CLYBL: variants seen among roughly 807,000 people sequenced by gnomAD.
The protein encoded by CLYBL is citramalyl-CoA lyase, also known as citramalyl-CoA lyase, mitochondrial.
In CLYBL, 31 loss-of-function variants were observed where a neutral mutation model predicts 38.9. That is an observed-to-expected ratio of 0.80 (90% CI 0.60 to 1.08). The LOEUF (loss-of-function observed/expected upper bound fraction) is 1.08. Among genes scored for constraint, CLYBL ranks in the 50% least tolerant of loss-of-function variants. The pLI is 0.00. For synonymous variants in CLYBL, 171 were observed against 158.6 expected (o/e 1.08, Z -0.59); for missense variants, 434 against 411.6 (o/e 1.05, Z -0.47).
At chr13:99,695,041 G>A (rs534358525) in intron 1 of CLYBL, among the ~76,000 whole-genome samples, 102 of 152,126 alleles carry the variant, frequency 6.7e-4, no homozygotes, top group Non-Finnish European at 8.2e-4. Context: ...CCATCCCACC[G>A]CGAGAGCGAT....
At chr13:99,795,637 G>A (rs1481313191) in intron 2 of CLYBL, among the ~76,000 whole-genome samples, 2 of 152,174 alleles carry the variant, frequency 1.3e-5, no homozygotes, top group Non-Finnish European at 2.9e-5. Context: ...CTGGGTGACA[G>A]AGTGAGAACC....
At chr13:99,836,222 C>T (rs569060048) in intron 2 of CLYBL, among the ~76,000 whole-genome samples, 1 of 152,138 alleles carries the variant, frequency 6.6e-6, no homozygotes, top group South Asian at 2.1e-4. Context: ...CCAGGGGGAG[C>T]GTTGGTTGGT....
chr13:99,769,483 C>A (rs568585454), intron 1 of CLYBL, among the ~76,000 whole-genome samples: 2 of 152,150 alleles, frequency 1.3e-5, no homozygotes, highest in Non-Finnish European at 2.9e-5. Context: ...CCAAACATTT[C>A]TTGGTATTTT....
intron 2 of CLYBL, among the ~76,000 whole-genome samples, chr13:99,795,108 T>C (rs2049995795): frequency 6.6e-6 from 1 of 152,156 alleles, no homozygotes. Context: ...AGGAGGAAAG[T>C]GTGGCTCGTG....
intron 1 of CLYBL, among the ~76,000 whole-genome samples, chr13:99,632,198 A>T (rs959983446): frequency 1.3e-5 from 2 of 152,250 alleles, no homozygotes; most frequent in Non-Finnish European, 2.9e-5. Context: ...CCAAATCTGC[A>T]TATGAAATTG....
At chr13:99,844,892 A>G (rs1301234686) in intron 2 of CLYBL, among the ~76,000 whole-genome samples, 1 of 152,158 alleles carries the variant, frequency 6.6e-6, no homozygotes, top group East Asian at 1.9e-4. Flanking sequence ...GGTATCAAAG[A>G]CCGGATTCAA....
intron 1 of CLYBL, among the ~76,000 whole-genome samples, chr13:99,766,822 G>A (rs1004965689): frequency 2.6e-5 from 4 of 152,160 alleles, no homozygotes; most frequent in African/African-American, 9.7e-5. Flanking sequence ...GGCAGGGTGG[G>A]AAGGCTGGCT....
At chr13:99,609,015 C>T (rs2046581907) in intron 1 of CLYBL, among the ~76,000 whole-genome samples, 1 of 150,800 alleles carries the variant, frequency 6.6e-6, no homozygotes, top group South Asian at 2.1e-4. Context: ...GGCTATTGTT[C>T]TCTCAAAAAA....
intron 2 of CLYBL, among the ~76,000 whole-genome samples, chr13:99,823,654 T>G (rs555692262): frequency 6.6e-6 from 1 of 152,372 alleles, no homozygotes; most frequent in Non-Finnish European, 1.5e-5. Context: ...AGCTCATTTC[T>G]TTTTATTGGT....
In CLYBL at chr13:99,685,835, G is replaced by A. The variant is rs188888947; in HGVS notation, c.62+79078G>A. On this transcript the variant is annotated intron_variant, in intron 1 of 8. Transcript: ENST00000339105. ...AAATTAGCTGGGTTTGGTGGTGTGT[G>A]CCTGTAATCTCAGCTACTCGGGTGG... Among the ~76,000 whole-genome samples the A allele has an allele frequency of 2.8e-4, 42 of 152,238 alleles. No homozygotes were observed. In the East Asian group the frequency reaches 7.3e-3, roughly 27 times the overall value.
chr13:99,835,732 G>A (rs1330933335), intron 2 of CLYBL, among the ~76,000 whole-genome samples: 1 of 152,180 alleles, frequency 6.6e-6, no homozygotes, highest in Non-Finnish European at 1.5e-5. Context: ...TAACACAGCT[G>A]AGTAGTTGAA....
chr13:99,653,670 T>TC (rs1258248315), intron 1 of CLYBL, among the ~76,000 whole-genome samples: 3 of 152,286 alleles, frequency 2.0e-5, no homozygotes, highest in South Asian at 2.1e-4. Flanking sequence ...TCTAGCTTTT[T>TC]CTTTTTTTTT....
At chr13:99,676,192 CCTT>C (rs1301511322) in intron 1 of CLYBL, among the ~76,000 whole-genome samples, 2 of 58,466 alleles carry the variant, frequency 3.4e-5, no homozygotes, top group Non-Finnish European at 4.5e-5. Flanking sequence ...GTCCGTCCTT[CCTT>C]CCTTCCTTCC....
chr13:99,856,380 A>G (rs1361118628), intron 2 of CLYBL, among the ~76,000 whole-genome samples: 1 of 152,192 alleles, frequency 6.6e-6, no homozygotes, highest in African/African-American at 2.4e-5. Flanking sequence ...CAAATAATTT[A>G]AGCTTTAAAA....
intron 1 of CLYBL, among the ~76,000 whole-genome samples, chr13:99,746,353 C>CT (rs1380882531): frequency 2.2e-5 from 2 of 91,726 alleles, no homozygotes; most frequent in Admixed American, 2.6e-4. Flanking sequence ...GCTTTAAATA[C>CT]TATTTTTTTT....
chr13:99,816,150 TC>T (rs1421851837), intron 2 of CLYBL, among the ~76,000 whole-genome samples: 4 of 152,242 alleles, frequency 2.6e-5, no homozygotes, highest in African/African-American at 9.6e-5. Context: ...TTTCACATTG[TC>T]CAGTCTAAGC....
chr13:99,833,188 C>A (rs1461531610), intron 2 of CLYBL, among the ~76,000 whole-genome samples: 4 of 149,742 alleles, frequency 2.7e-5, no homozygotes, highest in African/African-American at 2.5e-5. Context: ...ATTACAGGCA[C>A]CTGCCACCAC....
At chr13:99,883,019 G>A (rs142184036) in intron 7 of CLYBL, among the ~76,000 whole-genome samples, 6 of 151,960 alleles carry the variant, frequency 3.9e-5, no homozygotes, top group African/African-American at 7.3e-5. Flanking sequence ...TTGGATCCTC[G>A]GACCACCTCT....
intron 1 of CLYBL, among the ~76,000 whole-genome samples, chr13:99,733,495 C>T (rs955553978): frequency 6.6e-6 from 1 of 152,152 alleles, no homozygotes. Flanking sequence ...TCTTGTGCAC[C>T]ACCAGTATAC....
Sources: gnomAD v4.1 joint callset for allele counts (sites outside exome capture counted in the v4.1 genomes callset) on GRCh38, gnomAD v4.1.1 for gene constraint, MANE v1.5 for transcripts, NCBI Gene and HGNC (gene_info 2026-07-23, HGNC 2026-07-21) for gene names.